KCNMB2: variants seen among roughly 807,000 people sequenced by gnomAD.
KCNMB2 encodes the protein calcium-activated potassium channel subunit beta-2.
A neutral mutation model predicts 24.5 loss-of-function variants in KCNMB2; 9 were observed. That is an observed-to-expected ratio of 0.37 (90% CI 0.22 to 0.64). The LOEUF (loss-of-function observed/expected upper bound fraction) is 0.64, where lower values mean the gene tolerates loss of function less well. KCNMB2 is among the 30% of genes least tolerant of loss of function. The pLI, the probability that KCNMB2 is intolerant of heterozygous loss-of-function variation, is 0.63. For synonymous variants in KCNMB2, 109 were observed against 104.4 expected, an observed-to-expected ratio of 1.04 and a Z score of -0.27; for missense variants, 226 against 284.3, an observed-to-expected ratio of 0.79 and a Z score of 1.47.
chr3:178,539,528 A>G (rs182560157), intron 1 of KCNMB2, among the ~76,000 whole-genome samples: 4 of 152,286 alleles, frequency 2.6e-5, no homozygotes, highest in Non-Finnish European at 4.4e-5. Context: ...CCTGCTGCAT[A>G]TCATGTAGTA....
rs148944025 is a variant in KCNMB2 at position 178,674,580 on chromosome 3, T to G, written c.-67-132763T>G. Among the ~76,000 whole-genome samples the G allele has an allele frequency of 5.7e-4, 87 of 152,174 alleles. 2 individuals are homozygous for G. Among genetic ancestry groups the G allele is most frequent in the African/African-American group, 2.0e-3 (81 of 41,522 alleles). ...TTCTGCCACATTAATCCAAGCTACCTTTATCTCTCACATCAATTATCTCAG... is the reference window on the plus strand; with the variant it reads ...TTCTGCCACATTAATCCAAGCTACCGTTATCTCTCACATCAATTATCTCAG... On this transcript the variant is annotated intron_variant, in intron 1 of 4. Coordinates refer to ENST00000452583, the MANE Select transcript of KCNMB2 (RefSeq NM_181361.3).
chr3:178,662,186 T>A (rs962403846), intron 1 of KCNMB2, among the ~76,000 whole-genome samples: 3 of 152,172 alleles, frequency 2.0e-5, no homozygotes, highest in African/African-American at 7.2e-5. Flanking sequence ...AGAAATAAAT[T>A]TTTATTCTCA....
At chr3:178,623,521 A>G (rs1718995447) in intron 1 of KCNMB2, among the ~76,000 whole-genome samples, 1 of 152,196 alleles carries the variant, frequency 6.6e-6, no homozygotes, top group Non-Finnish European at 1.5e-5. Flanking sequence ...GATTTAGAAA[A>G]TATTTTGATA....
intron 4 of KCNMB2, among the ~76,000 whole-genome samples, chr3:178,841,371 C>T (rs1715421250): frequency 6.6e-6 from 1 of 152,166 alleles, no homozygotes; most frequent in Non-Finnish European, 1.5e-5. Flanking sequence ...CCAAACTGTT[C>T]CAACTTCTGC....
chr3:178,757,962 GATAT>G (rs1189351787), intron 1 of KCNMB2, among the ~76,000 whole-genome samples: 3,183 of 87,832 alleles, frequency 0.036, 683 homozygotes, highest in African/African-American at 0.06. Context: ...GACACAAGAG[GATAT>G]ATATATAGAC....
chr3:178,746,275 A>C (rs1352304181), intron 1 of KCNMB2, among the ~76,000 whole-genome samples: 1 of 152,192 alleles, frequency 6.6e-6, no homozygotes, highest in Non-Finnish European at 1.5e-5. Context: ...GGCAGCTGCA[A>C]AGGCTTGAGG....
chr3:178,568,613 T>C (rs1716614033), intron 1 of KCNMB2, among the ~76,000 whole-genome samples: 1 of 152,060 alleles, frequency 6.6e-6, no homozygotes, highest in Admixed American at 6.6e-5. Context: ...TTAAGAGGAA[T>C]GGTAAAAGGA....
chr3:178,595,531 G>A (rs1717836142), intron 1 of KCNMB2, among the ~76,000 whole-genome samples: 1 of 151,984 alleles, frequency 6.6e-6, no homozygotes, highest in African/African-American at 2.4e-5. Context: ...ATTGAATCAT[G>A]GGGGGCAGTT....
intron 1 of KCNMB2, among the ~76,000 whole-genome samples, chr3:178,778,460 A>ACGCGCG: frequency 2.1e-5 from 1 of 48,010 alleles, no homozygotes; most frequent in Non-Finnish European, 4.0e-5. Context: ...TTTAAGACAC[A>ACGCGCG]CACACACACA....
chr3:178,816,413 CT>C (rs1166882704), intron 2 of KCNMB2, among the ~76,000 whole-genome samples: 1 of 151,508 alleles, frequency 6.6e-6, no homozygotes, highest in Non-Finnish European at 1.5e-5. Flanking sequence ...TTTCATTAGT[CT>C]TTTCAAAAGA....
chr3:178,664,601 G>A (rs1215760797), intron 1 of KCNMB2, among the ~76,000 whole-genome samples: 3 of 152,004 alleles, frequency 2.0e-5, no homozygotes, highest in Non-Finnish European at 4.4e-5. Context: ...GTACCCAGAG[G>A]ATTAAGAAAG....
chr3:178,751,638 T>C (rs1723855185), intron 1 of KCNMB2, among the ~76,000 whole-genome samples: 1 of 146,874 alleles, frequency 6.8e-6, no homozygotes, highest in African/African-American at 2.6e-5. Flanking sequence ...TAGATTATTT[T>C]AGAGCAAATG....
intron 1 of KCNMB2, among the ~76,000 whole-genome samples, chr3:178,543,642 A>G (rs554029980): frequency 6.6e-6 from 1 of 152,188 alleles, no homozygotes; most frequent in Non-Finnish European, 1.5e-5. Context: ...TCTTTGGTCA[A>G]TTCTGAGCTT....
intron 1 of KCNMB2, among the ~76,000 whole-genome samples, chr3:178,679,062 T>TTTTTTG (rs1279186406): frequency 6.6e-6 from 1 of 152,046 alleles, no homozygotes; most frequent in African/African-American, 2.4e-5. Flanking sequence ...GTTTTTGTTT[T>TTTTTTG]TTTTATTATA....
intron 1 of KCNMB2, among the ~76,000 whole-genome samples, chr3:178,547,583 T>C (rs1715816184): frequency 6.6e-6 from 1 of 152,208 alleles, no homozygotes; most frequent in African/African-American, 2.4e-5. Context: ...TGTGTACATG[T>C]ATATTCTTGA....
chr3:178,556,697 G>A (rs546387818), intron 1 of KCNMB2, among the ~76,000 whole-genome samples: 1 of 152,244 alleles, frequency 6.6e-6, no homozygotes, highest in South Asian at 2.1e-4. Context: ...AAGCCACCTC[G>A]CCCTGCCGAC....
intron 1 of KCNMB2, among the ~76,000 whole-genome samples, chr3:178,704,119 T>C (rs1379624014): frequency 6.6e-6 from 1 of 152,146 alleles, no homozygotes; most frequent in Non-Finnish European, 1.5e-5. Flanking sequence ...TAATTTTATT[T>C]AAAATCTCCA....
chr3:178,744,685 C>G (rs1273244894), intron 1 of KCNMB2, among the ~76,000 whole-genome samples: 7 of 151,526 alleles, frequency 4.6e-5, no homozygotes. Context: ...GGGAAACTTC[C>G]TGCAAGGACA....
chr3:178,550,792 A>G (rs1229344625), intron 1 of KCNMB2, among the ~76,000 whole-genome samples: 2 of 152,218 alleles, frequency 1.3e-5, no homozygotes, highest in Admixed American at 6.5e-5. Flanking sequence ...GTAAAATGGG[A>G]TCTGAATACC....
Sources: gnomAD v4.1 joint callset for allele counts (sites outside exome capture counted in the v4.1 genomes callset) on GRCh38, gnomAD v4.1.1 for gene constraint, MANE v1.5 for transcripts, NCBI Gene and HGNC (gene_info 2026-07-23, HGNC 2026-07-21) for gene names.